Variants in ZFHX4 observed in about 807,000 individuals in gnomAD.
ZFHX4 encodes the protein zinc finger homeobox 4, also known as zinc finger homeobox protein 4.
ZFHX4 carries 56 observed loss-of-function variants against 267.6 expected under a neutral mutation model. The observed-to-expected ratio is 0.21, with a 90% CI of 0.17 to 0.26. ZFHX4 has a LOEUF of 0.26. Among genes scored for constraint, ZFHX4 ranks in the 10% least tolerant of loss-of-function variants. ZFHX4 has a pLI of 1.00. For synonymous variants in ZFHX4, 1,778 were observed against 1,665.6 expected (o/e 1.07, Z -1.64); for missense variants, 4,332 against 4,420.0 (o/e 0.98, Z 0.56).
chr8:76,688,778 A>C (rs913373338), intron 1 of ZFHX4, among the ~76,000 whole-genome samples: 1 of 152,104 alleles, frequency 6.6e-6, no homozygotes, highest in Non-Finnish European at 1.5e-5. Context: ...TTCTGGTTTG[A>C]GGTCACCACA....
At position 76,784,212 on chromosome 8, in the gene ZFHX4, G is replaced by GTTTTATTTTA. The variant is rs141649405; in HGVS notation, c.3325+5795_3325+5804dup. 3.9e-3 allele frequency among the ~76,000 whole-genome samples: 596 copies of GTTTTATTTTA among 151,038 alleles called. 2 individuals are homozygous for GTTTTATTTTA. The highest frequency in any genetic ancestry group is 0.027 in the Middle Eastern group (8 of 292). On this transcript the variant is annotated intron_variant, in intron 4 of 10. Transcript: ENST00000651372. Reference sequence around the variant, plus strand: ...AGCTCAGTGCTATTTGGGGGTTAAAGTTTTATTTTATTTTATTTTATTTTA... The same window carrying GTTTTATTTTA: ...AGCTCAGTGCTATTTGGGGGTTAAAGTTTTATTTTATTTTATTTTATTTTATTTTATTTTA...
intron 4 of ZFHX4, among the ~76,000 whole-genome samples, chr8:76,790,718 C>CT (rs899101959): frequency 6.6e-6 from 1 of 152,050 alleles, no homozygotes; most frequent in Admixed American, 6.6e-5. Flanking sequence ...CATCAGTTAT[C>CT]TTTTTTTGCC....
At chr8:76,753,470 T>C (rs998149730) in intron 3 of ZFHX4, among the ~76,000 whole-genome samples, 11 of 151,912 alleles carry the variant, frequency 7.2e-5, no homozygotes, top group Non-Finnish European at 1.6e-4. Context: ...AAAAGAAAAA[T>C]AAGCTAAACA....
intron 3 of ZFHX4, among the ~76,000 whole-genome samples, chr8:76,727,859 C>A (rs991204191): frequency 4.6e-5 from 7 of 152,092 alleles, no homozygotes; most frequent in African/African-American, 1.4e-4. Flanking sequence ...GAACGTTCCT[C>A]CCCGAGGCTC....
intron 3 of ZFHX4, among the ~76,000 whole-genome samples, chr8:76,746,045 G>A (rs1048480666): frequency 2.6e-5 from 4 of 152,040 alleles, no homozygotes; most frequent in Non-Finnish European, 4.4e-5. Flanking sequence ...GTAGGGTGTC[G>A]GTTCTCAGGG....
rs765524684 is a variant in ZFHX4, at chr8:76,863,867, T to A, written c.10153T>A (p.Ser3385Thr). 2.4e-5 allele frequency: 37 copies of A among 1,559,508 alleles called. 1 individual carries two copies. The South Asian group carries it at 4.4e-4, about 18-fold the overall frequency. The change falls in exon 11 of 11, where the codon TCC becomes ACC. Residue 3385 changes from serine (S) to threonine (T), a missense_variant. This residue lies in a region of ZFHX4 where 1,648 missense variants were observed against 1,625.0 expected (regional missense o/e 1.01). Coordinates refer to ENST00000651372, the MANE Select transcript of ZFHX4 (RefSeq NM_024721.5). The part of the protein sequence containing the change: ...ESTKEEPQLE[S>T]KSADFSDTYV... ...CACAAAAGAAGAACCCCAGTTAGAA[T>A]CCAAAAGTGCAGACTTTTCAGACAC...
At chr8:76,715,370 T>A (rs1808537928) in intron 3 of ZFHX4, among the ~76,000 whole-genome samples, 1 of 150,252 alleles carries the variant, frequency 6.7e-6, no homozygotes, top group Admixed American at 6.7e-5. Flanking sequence ...TAGTCCCAGC[T>A]ACTCGGGAGG....
chr8:76,705,816 AAT>A lies in ZFHX4; in HGVS notation c.1730_1731del (p.Ile577SerfsTer71). On this transcript the variant is annotated frameshift_variant, in exon 2 of 11. Coordinates refer to ENST00000651372, the MANE Select transcript of ZFHX4 (RefSeq NM_024721.5). LOFTEE classifies it high-confidence loss of function. ...DSATAAHPSE[I>X]ARGDEDSSAT... ...GTGCCACAGCTGCTCATCCAAGTGA[AAT>A]AGCCCGGGGAGACGAAGACAGTTCA... 1 of 1,613,914 alleles carries A rather than the reference AAT, an allele frequency of 6.2e-7. No homozygotes were observed. The highest frequency in any genetic ancestry group is 1.3e-5 in the African/African-American group (1 of 75,020).
At chr8:76,848,035 T>A (rs1394346275) in intron 6 of ZFHX4, among the ~76,000 whole-genome samples, 1 of 152,134 alleles carries the variant, frequency 6.6e-6, no homozygotes, top group Non-Finnish European at 1.5e-5. Context: ...GCAAATTGAC[T>A]GGAAGATGGT....
intron 1 of ZFHX4, among the ~76,000 whole-genome samples, chr8:76,691,070 G>A (rs1807812131): frequency 6.6e-6 from 1 of 152,024 alleles, no homozygotes; most frequent in Non-Finnish European, 1.5e-5. Context: ...CTAACTCTAG[G>A]ACCAGTGGTC....
rs918056522 is a variant in ZFHX4, at chr8:76,706,677, C to G, written c.2589C>G (p.Leu863=). The G allele has an allele frequency of 1.3e-6, 2 of 1,569,712 alleles. No individual in the cohort carries two copies. Among genetic ancestry groups the G allele is most frequent in the African/African-American group, 1.4e-5 (1 of 73,264 alleles). The change falls in exon 2 of 11, where the codon CTC becomes CTG. Residue 863 remains leucine, a splice_region_variant and synonymous_variant. Coordinates refer to ENST00000651372, the MANE Select transcript of ZFHX4 (RefSeq NM_024721.5). ...PATAAALAPG[L]VNNELPPEIR... is the part of the protein sequence containing the mutation. Reference sequence around the variant, plus strand: ...CAGCAGCGGCTTTGGCACCAGGGCTCGGTTAGTATTTCCTGCTTTTCTGCA... The same window carrying G: ...CAGCAGCGGCTTTGGCACCAGGGCTGGGTTAGTATTTCCTGCTTTTCTGCA...
intron 6 of ZFHX4, among the ~76,000 whole-genome samples, chr8:76,844,561 G>A (rs533108847): frequency 1.6e-4 from 25 of 151,976 alleles, no homozygotes; most frequent in East Asian, 1.9e-4. Context: ...TTACTGCTCC[G>A]CAAAAGTAGT....
At chr8:76,737,402 T>G (rs1452484592) in intron 3 of ZFHX4, among the ~76,000 whole-genome samples, 4 of 152,204 alleles carry the variant, frequency 2.6e-5, no homozygotes. Flanking sequence ...AATGACTAAA[T>G]AAACAATTAC....
In ZFHX4 at chr8:76,863,206, TCCA is replaced by T. The variant is rs777246126; in HGVS notation, c.9498_9500del (p.Pro3173del). On this transcript the variant is annotated inframe_deletion, in exon 11 of 11. Coordinates refer to ENST00000651372, the MANE Select transcript of ZFHX4 (RefSeq NM_024721.5). ...AACCTTTGCTGCAGACTCCACCACC[TCCA>T]CCACCTCCTCCTCCTCCTCCTCCTT... 2 of 1,571,028 alleles carry T rather than the reference TCCA, an allele frequency of 1.3e-6. No homozygotes were observed. The highest frequency in any genetic ancestry group is 2.3e-5 in the South Asian group (2 of 86,072).
At chr8:76,818,099 G>A (rs1056283234) in intron 4 of ZFHX4, among the ~76,000 whole-genome samples, 18 of 152,152 alleles carry the variant, frequency 1.2e-4, no homozygotes, top group Admixed American at 1.2e-3. Flanking sequence ...GACATTTTGA[G>A]GGAATTCAAG....
chr8:76,720,565 T>C (rs1185954089), intron 3 of ZFHX4, among the ~76,000 whole-genome samples: 1 of 152,174 alleles, frequency 6.6e-6, no homozygotes, highest in Non-Finnish European at 1.5e-5. Flanking sequence ...GTCAATAATA[T>C]TAACTGGATT....
intron 6 of ZFHX4, among the ~76,000 whole-genome samples, chr8:76,843,621 T>C (rs1325299576): frequency 6.6e-6 from 1 of 152,204 alleles, no homozygotes; most frequent in Non-Finnish European, 1.5e-5. Flanking sequence ...CTGCACGCTA[T>C]ACCTCGTTTT....
In ZFHX4 at chr8:76,849,101, A is replaced by G; in HGVS notation, c.3618A>G (p.Thr1206=). 2 of 1,563,348 alleles carry G rather than the reference A, an allele frequency of 1.3e-6. No homozygotes were observed. The highest frequency in any genetic ancestry group is 1.7e-6 in the Non-Finnish European group (2 of 1,153,488). The change falls in exon 7 of 11, where the codon ACA becomes ACG. Residue 1206 remains threonine, a synonymous_variant. Transcript: ENST00000651372. ...EDVATKRSKP[T]EDNKFCHEQF... Reference sequence around the variant, plus strand: ...TTGCAACAAAAAGGTCAAAACCTACAGAGGACAATAAATTCTGTCATGAAC... The same window carrying G: ...TTGCAACAAAAAGGTCAAAACCTACGGAGGACAATAAATTCTGTCATGAAC...
intron 3 of ZFHX4, among the ~76,000 whole-genome samples, chr8:76,723,702 G>C (rs1373892119): frequency 6.6e-6 from 1 of 151,850 alleles, no homozygotes. Context: ...TGGTTTAGTG[G>C]AGGAGACAGT....
Sources: allele counts gnomAD v4.1 joint callset (sites outside exome capture counted in the v4.1 genomes callset), GRCh38; gene constraint gnomAD v4.1.1; regional missense constraint gnomAD v4.1.1; transcripts MANE v1.5; gene names NCBI Gene and HGNC (gene_info 2026-07-23, HGNC 2026-07-21).